Variants in TMEM245 observed in about 807,000 individuals in gnomAD.
TMEM245 encodes protein CG-2.
TMEM245 carries 69 observed loss-of-function variants against 101.2 expected under a neutral mutation model. That is an observed-to-expected ratio of 0.68 (90% confidence interval 0.56 to 0.83). The LOEUF (loss-of-function observed/expected upper bound fraction) is 0.83. TMEM245 is among the 40% of genes least tolerant of loss of function. The pLI is 0.00. For synonymous variants in TMEM245, 537 were observed against 449.8 expected (o/e 1.19, Z -2.45); for missense variants, 1,075 against 1,092.8 (o/e 0.98, Z 0.23).
intron 1 of TMEM245, among the ~76,000 whole-genome samples, chr9:109,113,545 G>T (rs1014535869): frequency 2.6e-5 from 4 of 152,160 alleles, no homozygotes; most frequent in African/African-American, 9.7e-5. Context: ...ATAAAATTTG[G>T]CAACATTTAC....
chr9:109,024,692 A>C (rs903137424), intron 17 of TMEM245, among the ~76,000 whole-genome samples: 55 of 152,218 alleles, frequency 3.6e-4, no homozygotes, highest in African/African-American at 1.2e-3. Context: ...GGTGTTCTTT[A>C]CAGAGGGGAC....
At chr9:109,075,015 AG>A (rs1421842479) in intron 8 of TMEM245, among the ~76,000 whole-genome samples, 5 of 152,204 alleles carry the variant, frequency 3.3e-5, no homozygotes, top group African/African-American at 9.6e-5. Context: ...CTGTAAGCTA[AG>A]GGACATAATC....
chr9:109,075,886 C>T (rs1399277812), intron 8 of TMEM245, among the ~76,000 whole-genome samples: 1 of 152,006 alleles, frequency 6.6e-6, no homozygotes, highest in Non-Finnish European at 1.5e-5. Context: ...CTTTCATTTA[C>T]TTTGGATTTA....
At chr9:109,087,608 G>A (rs1324579230) in intron 5 of TMEM245, among the ~76,000 whole-genome samples, 1 of 152,028 alleles carries the variant, frequency 6.6e-6, no homozygotes, top group African/African-American at 2.4e-5. Flanking sequence ...TTATTTTACA[G>A]CCCACATAAA....
chr9:109,049,144 G>A (rs1216243290), intron 14 of TMEM245, among the ~76,000 whole-genome samples: 1 of 152,218 alleles, frequency 6.6e-6, no homozygotes, highest in African/African-American at 2.4e-5. Flanking sequence ...GAAAGCTGAT[G>A]GAGATAGACC....
intron 9 of TMEM245, among the ~76,000 whole-genome samples, chr9:109,066,438 G>A (rs1464110681): frequency 5.3e-5 from 4 of 75,934 alleles, no homozygotes; most frequent in African/African-American, 2.2e-4. Context: ...CTGGGCAAAA[G>A]AGCAAGACTG....
intron 5 of TMEM245, among the ~76,000 whole-genome samples, chr9:109,090,025 C>T (rs1425038530): frequency 2.6e-5 from 4 of 152,030 alleles, no homozygotes; most frequent in African/African-American, 9.7e-5. Flanking sequence ...CTTTGGGAGG[C>T]GGAGGTGAGC....
intron 12 of TMEM245, among the ~76,000 whole-genome samples, chr9:109,054,875 G>C (rs1200580972): frequency 6.6e-6 from 1 of 152,130 alleles, no homozygotes; most frequent in African/African-American, 2.4e-5. Flanking sequence ...ATCACTGGGA[G>C]AATTAAATTG....
intron 17 of TMEM245, among the ~76,000 whole-genome samples, chr9:109,031,242 G>A (rs1278798647): frequency 6.6e-6 from 1 of 152,148 alleles, no homozygotes; most frequent in Admixed American, 6.5e-5. Context: ...TAAGTACTGT[G>A]CGCATGTCCA....
intron 16 of TMEM245, among the ~76,000 whole-genome samples, chr9:109,034,636 G>A (rs376418984): frequency 8.5e-5 from 13 of 152,082 alleles, no homozygotes; most frequent in South Asian, 4.2e-4. Context: ...TGTGGAGAAC[G>A]GGTTTCACCA....
chr9:109,015,197 A>C lies in TMEM245; in HGVS notation c.*5263T>G, dbSNP rs1197497753. 6.6e-6 allele frequency: 1 copy of C among 151,918 alleles called. No individual in the cohort carries two copies. The highest frequency in any genetic ancestry group is 1.5e-5 in the Non-Finnish European group (1 of 67,966). 9.4% of individuals were successfully genotyped at this position (151,918 alleles called of 1,614,324 possible). On this transcript the variant is annotated 3_prime_UTR_variant, in exon 18 of 18. Transcript: ENST00000374586. ...TTATTTCAAAATATAAATATTTCAC[A>C]TTAATAAAGAAGTTACATCAGTAGG...
intron 14 of TMEM245, chr9:109,042,250 T>C (rs1226178792): frequency 2.6e-5 from 4 of 152,174 alleles, no homozygotes; most frequent in African/African-American, 9.7e-5. Flanking sequence ...GCAGCTGTAA[T>C]AAATTACCCT....
intron 7 of TMEM245, among the ~76,000 whole-genome samples, chr9:109,085,348 G>A (rs1198291316): frequency 6.6e-6 from 1 of 152,132 alleles, no homozygotes; most frequent in Admixed American, 6.5e-5. Context: ...AATGTATCTG[G>A]ATTAGCCTTT....
In TMEM245 at chr9:109,042,169, C is replaced by T. The variant is rs181066301; in HGVS notation, c.2124-4052G>A. The stretch of plus-strand genomic sequence containing the variant: ...TTAAAATAACCAAACCAAAACTTTC[C>T]GGTATGCTACCTGCATGTGCACAGC... On this transcript the variant is annotated intron_variant, in intron 14 of 17. Transcript: ENST00000374586. 2.5e-3 allele frequency among the ~76,000 whole-genome samples: 377 copies of T among 152,176 alleles called. 1 individual carries two copies. The highest frequency in any genetic ancestry group is 6.8e-3 in the Middle Eastern group (2 of 294).
intron 8 of TMEM245, among the ~76,000 whole-genome samples, chr9:109,080,540 T>G (rs1829636821): frequency 6.6e-6 from 1 of 151,946 alleles, no homozygotes; most frequent in Non-Finnish European, 1.5e-5. Flanking sequence ...ATCCTAATTC[T>G]CCTATTAAAC....
intron 3 of TMEM245, among the ~76,000 whole-genome samples, chr9:109,104,194 T>C (rs7875879): frequency 0.13 from 20,310 of 152,148 alleles, 1,596 homozygotes; most frequent in African/African-American, 0.19. Context: ...AAGAGTATAA[T>C]TGGATTATTT....
intron 9 of TMEM245, among the ~76,000 whole-genome samples, chr9:109,069,792 C>T (rs546541957): frequency 1.2e-3 from 182 of 152,318 alleles, no homozygotes; most frequent in African/African-American, 4.2e-3. Flanking sequence ...TTCCCAGCTA[C>T]GTTCCATAGG....
intron 8 of TMEM245, among the ~76,000 whole-genome samples, chr9:109,079,948 G>A (rs1829621176): frequency 6.6e-6 from 1 of 152,076 alleles, no homozygotes; most frequent in Non-Finnish European, 1.5e-5. Context: ...GACTGAAACA[G>A]AAGTACTAGA....
chr9:109,080,575 C>T (rs560239036), intron 8 of TMEM245, among the ~76,000 whole-genome samples: 59 of 149,898 alleles, frequency 3.9e-4, no homozygotes, highest in Middle Eastern at 3.4e-3. Context: ...GCCACTTGTT[C>T]TTCATTATCT....
Sources: allele counts gnomAD v4.1 joint callset (sites outside exome capture counted in the v4.1 genomes callset), GRCh38; gene constraint gnomAD v4.1.1; transcripts MANE v1.5; gene names NCBI Gene and HGNC (gene_info 2026-07-23, HGNC 2026-07-21).